The following UNC13A variants were observed in gnomAD, a reference collection of about 807,000 sequenced individuals.
The protein encoded by UNC13A is protein unc-13 homolog A.
UNC13A carries 61 observed loss-of-function variants against 219.7 expected under a neutral mutation model. The observed-to-expected ratio is 0.28, with a 90% CI of 0.23 to 0.34. The LOEUF is 0.34. Among genes scored for constraint, UNC13A ranks in the 10% least tolerant of loss-of-function variants. UNC13A has a pLI of 1.00. For missense variants in UNC13A, 1,476 were observed against 2,270.3 expected (o/e 0.65, Z 7.11); for synonymous variants, 920 against 884.6 (o/e 1.04, Z -0.71).
intron 41 of UNC13A, among the ~76,000 whole-genome samples, chr19:17,614,767 T>C (rs2076644101): frequency 6.6e-6 from 1 of 151,950 alleles, no homozygotes. Flanking sequence ...CCGTCTTCCT[T>C]GTTGCCTCAG....
intron 41 of UNC13A, chr19:17,616,460 A>C: frequency 6.4e-6 from 3 of 465,540 alleles, no homozygotes; most frequent in East Asian, 6.1e-5. Context: ...CTTTTCCACC[A>C]TGGACTAATT....
intron 26 of UNC13A, 66 bp downstream of exon 26, chr19:17,635,958 G>A (rs1218188285): frequency 6.6e-7 from 1 of 1,518,920 alleles, no homozygotes; most frequent in South Asian, 1.3e-5. Context: ...TGACACACAA[G>A]ACACAAAGTT....
At chr19:17,611,074 A>T (rs1458132545) in intron 42 of UNC13A, among the ~76,000 whole-genome samples, 1 of 152,184 alleles carries the variant, frequency 6.6e-6, no homozygotes, top group Non-Finnish European at 1.5e-5. Context: ...TAGGGATGAA[A>T]ATGCAACAAA....
intron 39 of UNC13A, 43 bp downstream of exon 39, chr19:17,618,863 T>TGG (rs56145097): frequency 1.1e-5 from 17 of 1,606,170 alleles, no homozygotes; most frequent in Non-Finnish European, 4.3e-6. Context: ...CACATGAGTT[T>TGG]GGGGGGCAGT....
At chr19:17,667,776 ATTTTTTT>A (rs34197880) in intron 6 of UNC13A, among the ~76,000 whole-genome samples, 1 of 108,058 alleles carries the variant, frequency 9.3e-6, no homozygotes, top group Non-Finnish European at 1.8e-5. Context: ...AGCCTGGCTA[ATTTTTTT>A]TTTTTTTTTT....
chr19:17,641,531 A>G lies in UNC13A; in HGVS notation c.2498T>C (p.Val833Ala). The G allele has an allele frequency of 6.2e-7, 1 of 1,613,956 alleles. No individual in the cohort carries two copies. The highest frequency in any genetic ancestry group is 8.5e-7 in the Non-Finnish European group (1 of 1,179,898). ...HENLFHFVTD[V>A]QNNGVVKIPD... ...GATCTTCACGACCCCATTGTTCTGCACGTCGGTCACGAAGTGGAACAGGTT... is the reference window on the plus strand; with the variant it reads ...GATCTTCACGACCCCATTGTTCTGCGCGTCGGTCACGAAGTGGAACAGGTT... Residue 833 changes from valine (V) to alanine (A), a missense_variant, in exon 21 of 44, where the codon GTG becomes GCG. Physicochemically the swap from Val to Ala is moderately conservative, Grantham distance 64. This residue lies in a region of UNC13A where 140 missense variants were observed against 270.9 expected (regional missense o/e 0.52). Coordinates refer to ENST00000519716, the MANE Select transcript of UNC13A (RefSeq NM_001080421.3).
At chr19:17,642,570 G>A (rs1392886370) in intron 20 of UNC13A, among the ~76,000 whole-genome samples, 1 of 152,184 alleles carries the variant, frequency 6.6e-6, no homozygotes, top group Non-Finnish European at 1.5e-5. Context: ...GACACAAACG[G>A]CCCAATCCTG....
rs2077039031 is a variant in UNC13A, at chr19:17,647,392, G to A, written c.1917C>T (p.Pro639=). 3.1e-6 allele frequency: 5 copies of A among 1,613,720 alleles called. No individual in the cohort carries two copies. The highest frequency in any genetic ancestry group is 3.4e-6 in the Non-Finnish European group (4 of 1,179,832). ...TCTCCTGGATGAGCTCGAAGATCTC[G>A]GGCTTGTTGCGCTCCCGGATCTTCA... ...DRMKIRERNK[P]EIFELIQEIF... is the part of the protein sequence containing the mutation. Residue 639 remains proline, a synonymous_variant, in exon 17 of 44, where the codon CCC becomes CCT. Coordinates refer to ENST00000519716, the MANE Select transcript of UNC13A (RefSeq NM_001080421.3).
chr19:17,634,252 C>A (rs2076888880), intron 26 of UNC13A, among the ~76,000 whole-genome samples: 1 of 152,152 alleles, frequency 6.6e-6, no homozygotes. Flanking sequence ...ATCCACCTAT[C>A]CATCCATCCC....
Position 17,605,813 on chromosome 19 carries a change from GT to G in UNC13A, c.*240del, listed in dbSNP as rs201314772. On this transcript the variant is annotated 3_prime_UTR_variant, in exon 44 of 44. Coordinates refer to ENST00000519716, the MANE Select transcript of UNC13A (RefSeq NM_001080421.3). ...CTAGGTGCTGGGGGCGTGGCCTCAA[GT>G]TGGGGATGTGGCTCCTTCCTTCGTC... 8.9e-3 allele frequency: 3,991 copies of G among 447,862 alleles called. 132 individuals are homozygous for G. Among genetic ancestry groups the G allele is most frequent in the African/African-American group, 0.07 (3,371 of 48,334 alleles). The allele number at this position is 447,862 out of a possible 1,614,324, so 27.7% of individuals were successfully genotyped here.
At chr19:17,677,875 G>A (rs960473259) in intron 1 of UNC13A, among the ~76,000 whole-genome samples, 27 of 152,100 alleles carry the variant, frequency 1.8e-4, no homozygotes, top group Admixed American at 1.2e-3. Flanking sequence ...TGGTCCATGC[G>A]TCGGCAACCA....
chr19:17,629,889 A>G (rs2076823232), intron 30 of UNC13A, among the ~76,000 whole-genome samples: 1 of 150,976 alleles, frequency 6.6e-6, no homozygotes, highest in South Asian at 2.1e-4. Context: ...TCCAACCCCA[A>G]TCTCAACTCC....
At chr19:17,680,738 T>C (rs1482927024) in intron 1 of UNC13A, among the ~76,000 whole-genome samples, 1 of 151,862 alleles carries the variant, frequency 6.6e-6, no homozygotes, top group Non-Finnish European at 1.5e-5. Flanking sequence ...TCATTTATAC[T>C]ATTATTATTA....
intron 36 of UNC13A, chr19:17,623,263 G>T (rs572016744): frequency 2.3e-6 from 1 of 433,088 alleles, no homozygotes; most frequent in Non-Finnish European, 4.1e-6. Flanking sequence ...CGGCAGGTCC[G>T]CTGCGAAGGA....
At chr19:17,657,972 C>T in intron 9 of UNC13A, 90 bp downstream of exon 9, 4 of 1,371,706 alleles carry the variant, frequency 2.9e-6, no homozygotes, top group Non-Finnish European at 4.0e-6. Context: ...TCTGGAACTC[C>T]ACCTCCAGCT....
chr19:17,680,425 G>T (rs867702838), intron 1 of UNC13A, among the ~76,000 whole-genome samples: 4 of 152,310 alleles, frequency 2.6e-5, no homozygotes, highest in African/African-American at 9.6e-5. Flanking sequence ...GCGGACAGGG[G>T]GGCGGGGATG....
At chr19:17,611,169 A>G (rs1332077220) in intron 42 of UNC13A, among the ~76,000 whole-genome samples, 8 of 152,270 alleles carry the variant, frequency 5.3e-5, no homozygotes, top group Non-Finnish European at 1.0e-4. Context: ...TATCCCAGAG[A>G]AAAACCAATT....
At chr19:17,613,607 G>A (rs2035064613) in intron 41 of UNC13A, 1 of 151,450 alleles carries the variant, frequency 6.6e-6, no homozygotes, top group South Asian at 2.1e-4. Context: ...GCATCACCTG[G>A]CCCAGAATCC....
intron 12 of UNC13A, among the ~76,000 whole-genome samples, chr19:17,650,180 G>C (rs903280457): frequency 6.6e-6 from 1 of 152,170 alleles, no homozygotes; most frequent in Non-Finnish European, 1.5e-5. Context: ...CACCTTGAAT[G>C]AAAACGTGAA....
Sources: allele counts gnomAD v4.1 joint callset (sites outside exome capture counted in the v4.1 genomes callset), GRCh38; gene constraint gnomAD v4.1.1; regional missense constraint gnomAD v4.1.1; transcripts MANE v1.5; gene names NCBI Gene and HGNC (gene_info 2026-07-23, HGNC 2026-07-21).